CPNE8: variants seen among roughly 807,000 people sequenced by gnomAD.
The protein encoded by CPNE8 is copine 8, also known as copine-8.
In CPNE8, 45 loss-of-function variants were observed where a neutral mutation model predicts 81.5. The observed-to-expected ratio is 0.55, with a 90% CI of 0.44 to 0.71. The LOEUF is 0.71. Ranked by LOEUF, CPNE8 falls within the 30% of genes least tolerant of loss-of-function variation. CPNE8 has a pLI of 0.00. For synonymous variants in CPNE8, 252 were observed against 226.3 expected, an observed-to-expected ratio of 1.11 and a Z score of -1.02; for missense variants, 594 against 672.1, an observed-to-expected ratio of 0.88 and a Z score of 1.28.
intron 5 of CPNE8, among the ~76,000 whole-genome samples, 179 bp downstream of exon 5, chr12:38,839,737 C>T (rs1476678226): frequency 3.3e-5 from 5 of 151,982 alleles, no homozygotes; most frequent in African/African-American, 9.7e-5. Flanking sequence ...CTAAAGGTAA[C>T]GTTTTTAATA....
At chr12:38,779,795 T>A (rs981813898) in intron 6 of CPNE8, among the ~76,000 whole-genome samples, 1 of 152,008 alleles carries the variant, frequency 6.6e-6, no homozygotes, top group African/African-American at 2.4e-5. Flanking sequence ...AAACAACAGG[T>A]TGCAGAATCA....
intron 3 of CPNE8, among the ~76,000 whole-genome samples, chr12:38,858,935 A>T (rs1359684516): frequency 1.3e-5 from 2 of 152,242 alleles, no homozygotes; most frequent in Admixed American, 1.3e-4. Flanking sequence ...GAAAATACTT[A>T]GTAAATACTT....
chr12:38,721,178 G>C (rs1940555869), intron 13 of CPNE8: 1 of 152,808 alleles, frequency 6.5e-6, no homozygotes, highest in Non-Finnish European at 1.5e-5. Flanking sequence ...ACCAGCAGCA[G>C]AAAGGAGCTA....
chr12:38,851,351 A>G (rs374416185), intron 3 of CPNE8, among the ~76,000 whole-genome samples: 10 of 152,162 alleles, frequency 6.6e-5, no homozygotes, highest in African/African-American at 2.4e-4. Flanking sequence ...TCCAAACATA[A>G]AATAATTATT....
At chr12:38,676,176 T>G (rs1462055776) in intron 17 of CPNE8, 1 of 562,046 alleles carries the variant, frequency 1.8e-6, no homozygotes, top group Non-Finnish European at 2.3e-6. Context: ...AACCAGAGTT[T>G]TATTTAATAT....
intron 4 of CPNE8, among the ~76,000 whole-genome samples, chr12:38,847,949 T>C (rs947577072): frequency 6.6e-6 from 1 of 152,100 alleles, no homozygotes; most frequent in Non-Finnish European, 1.5e-5. Flanking sequence ...CATATCCAGA[T>C]ACTTCAACAA....
chr12:38,772,932 C>CAT (rs1338207049), intron 7 of CPNE8, among the ~76,000 whole-genome samples: 1 of 151,592 alleles, frequency 6.6e-6, no homozygotes, highest in Non-Finnish European at 1.5e-5. Context: ...AATTTATACA[C>CAT]ACACACACAC....
At chr12:38,675,813 TTGAG>T in intron 17 of CPNE8, 39 bp from the exon 18 acceptor site, 1 of 1,321,120 alleles carries the variant, frequency 7.6e-7, no homozygotes, top group Non-Finnish European at 1.1e-6. Flanking sequence ...AATTAAGAAA[TTGAG>T]TTCTTAAGAA....
chr12:38,698,887 C>T (rs1307338256), intron 14 of CPNE8, among the ~76,000 whole-genome samples: 19 of 152,204 alleles, frequency 1.2e-4, no homozygotes. Context: ...GGATCCTTTG[C>T]AATTTCATAT....
At chr12:38,882,314 A>T (rs1257414352) in intron 1 of CPNE8, among the ~76,000 whole-genome samples, 1 of 152,172 alleles carries the variant, frequency 6.6e-6, no homozygotes, top group Non-Finnish European at 1.5e-5. Context: ...TGATGCAGTC[A>T]CAAGCCAAAG....
At chr12:38,796,730 A>C (rs1262334480) in intron 6 of CPNE8, among the ~76,000 whole-genome samples, 3 of 152,120 alleles carry the variant, frequency 2.0e-5, no homozygotes, top group African/African-American at 7.2e-5. Context: ...GTCCAAGCCA[A>C]AGCAGGGTGA....
At chr12:38,814,309 C>CT (rs61444154) in intron 6 of CPNE8, among the ~76,000 whole-genome samples, 14,498 of 49,258 alleles carry the variant, frequency 0.29, 5,215 homozygotes, top group Non-Finnish European at 0.35. Context: ...CCAGACCTGG[C>CT]TTTTTTTTTT....
At chr12:38,764,150 C>G (rs941513461) in intron 8 of CPNE8, among the ~76,000 whole-genome samples, 2 of 151,856 alleles carry the variant, frequency 1.3e-5, no homozygotes, top group Non-Finnish European at 2.9e-5. Flanking sequence ...ATTTAGGAGT[C>G]AATGGGGGAA....
At position 38,772,446 on chromosome 12, in the gene CPNE8, T is replaced by A. The variant is rs568853402; in HGVS notation, c.471+3792A>T. 5.9e-5 allele frequency among the ~76,000 whole-genome samples: 9 copies of A among 152,110 alleles called. No individual in the cohort carries two copies. The South Asian group carries it at 1.9e-3, about 32-fold the overall frequency. On this transcript the variant is annotated intron_variant, in intron 7 of 19. Coordinates refer to ENST00000331366, the MANE Select transcript of CPNE8 (RefSeq NM_153634.3). ...TAAAAAATAGAAAATCAACCCAATT[T>A]AAAAATGGGCTAAGAACCTGAATAA...
At chr12:38,795,912 T>C (rs1251651675) in intron 6 of CPNE8, among the ~76,000 whole-genome samples, 2 of 50,428 alleles carry the variant, frequency 4.0e-5, no homozygotes, top group Non-Finnish European at 9.6e-5. Flanking sequence ...AGATAGATAA[T>C]ACAACATGAC....
chr12:38,687,310 C>T (rs960171229), intron 15 of CPNE8, among the ~76,000 whole-genome samples: 1 of 150,324 alleles, frequency 6.7e-6, no homozygotes, highest in Non-Finnish European at 1.5e-5. Context: ...ACGAGGCAGT[C>T]TAACTCCAGA....
chr12:38,798,183 C>T (rs931956934), intron 6 of CPNE8, among the ~76,000 whole-genome samples: 5 of 152,048 alleles, frequency 3.3e-5, no homozygotes, highest in Admixed American at 6.5e-5. Flanking sequence ...CATTCAGATT[C>T]AGGAAATACA....
At chr12:38,733,047 C>T (rs10876009) in intron 10 of CPNE8, among the ~76,000 whole-genome samples, 2,150 of 151,904 alleles carry the variant, frequency 0.014, 24 homozygotes, top group Non-Finnish European at 0.023. Flanking sequence ...AGTAGATGAT[C>T]CAGCAGTGAG....
intron 13 of CPNE8, among the ~76,000 whole-genome samples, chr12:38,723,201 C>A (rs1329294387): frequency 1.3e-5 from 2 of 152,166 alleles, no homozygotes; most frequent in African/African-American, 4.8e-5. Flanking sequence ...ATTGAAAATA[C>A]TTCCCTATTT....
Sources: gnomAD v4.1 joint callset for allele counts (sites outside exome capture counted in the v4.1 genomes callset) on GRCh38, gnomAD v4.1.1 for gene constraint, MANE v1.5 for transcripts, NCBI Gene and HGNC (gene_info 2026-07-23, HGNC 2026-07-21) for gene names.